Variants in PDE1C observed in about 807,000 individuals in gnomAD.
The protein encoded by PDE1C is dual specificity calcium/calmodulin-dependent 3',5'-cyclic nucleotide phosphodiesterase 1C.
PDE1C carries 62 observed loss-of-function variants against 93.1 expected under a neutral mutation model. The observed-to-expected ratio is 0.67, with a 90% CI of 0.54 to 0.82. PDE1C has a LOEUF of 0.82. Among genes scored for constraint, PDE1C ranks in the 40% least tolerant of loss-of-function variants. PDE1C has a pLI of 0.00. For missense variants in PDE1C, 742 were observed against 884.6 expected, an observed-to-expected ratio of 0.84 and a Z score of 2.04; for synonymous variants, 325 against 310.1, an observed-to-expected ratio of 1.05 and a Z score of -0.50.
the PDE1C span, among the ~76,000 whole-genome samples, chr7:31,619,871 G>C: frequency 1.3e-4 from 20 of 152,332 alleles, no homozygotes. Context: ...AGGGGTGACA[G>C]ATGGCACCTG....
chr7:32,056,712 C>T (rs1794165142), intron 1 of PDE1C, among the ~76,000 whole-genome samples: 1 of 152,100 alleles, frequency 6.6e-6, no homozygotes, highest in Non-Finnish European at 1.5e-5. Context: ...AGTAGTATTG[C>T]ATAAATAATA....
intron 16 of PDE1C, chr7:31,790,066 C>T: frequency 7.0e-7 from 1 of 1,420,930 alleles, no homozygotes; most frequent in South Asian, 1.6e-5. Context: ...GATTCATCCC[C>T]TGGAAGGAGA....
At chr7:32,265,151 T>C (rs1001083508) in intron 1 of PDE1C, among the ~76,000 whole-genome samples, 16 of 152,210 alleles carry the variant, frequency 1.1e-4, no homozygotes, top group African/African-American at 3.4e-4. Flanking sequence ...GGAATTTATT[T>C]CACTAGCACC....
chr7:32,215,900 C>T (rs1168674024), intron 1 of PDE1C, among the ~76,000 whole-genome samples: 1 of 152,236 alleles, frequency 6.6e-6, no homozygotes, highest in Non-Finnish European at 1.5e-5. Flanking sequence ...GCAAGGAAAT[C>T]TGCCCAGTGC....
intron 2 of PDE1C, among the ~76,000 whole-genome samples, chr7:32,207,417 T>C (rs1015642376): frequency 3.3e-5 from 5 of 151,990 alleles, no homozygotes; most frequent in African/African-American, 1.2e-4. Flanking sequence ...GAACTCTTCA[T>C]TCACACCACA....
intron 2 of PDE1C, among the ~76,000 whole-genome samples, chr7:32,192,414 T>C (rs1804295654): frequency 6.6e-6 from 1 of 152,196 alleles, no homozygotes; most frequent in Admixed American, 6.5e-5. Context: ...TTTACAGATG[T>C]CCAATACTGA....
chr7:31,940,785 C>T (rs1276250541), intron 2 of PDE1C, among the ~76,000 whole-genome samples: 1 of 152,098 alleles, frequency 6.6e-6, no homozygotes, highest in African/African-American at 2.4e-5. Context: ...GAAACCCAGC[C>T]ACGCTCTGTG....
chr7:32,148,435 A>T (rs1801043717), intron 3 of PDE1C, among the ~76,000 whole-genome samples: 1 of 152,172 alleles, frequency 6.6e-6, no homozygotes, highest in Non-Finnish European at 1.5e-5. Flanking sequence ...TTTGGCAGAT[A>T]AGTTTTCATC....
chr7:32,387,717 C>T (rs1784664347), intron 1 of PDE1C, among the ~76,000 whole-genome samples: 1 of 140,080 alleles, frequency 7.1e-6, no homozygotes, highest in African/African-American at 2.8e-5. Context: ...GGGCGGCTGG[C>T]CGGGCAGAGG....
chr7:32,006,473 A>C (rs934248266), intron 2 of PDE1C, among the ~76,000 whole-genome samples: 8 of 152,204 alleles, frequency 5.3e-5, no homozygotes. Context: ...GAAATAAGCC[A>C]TGGTTTGGGT....
intron 3 of PDE1C, among the ~76,000 whole-genome samples, chr7:32,092,472 C>T (rs946223885): frequency 5.3e-5 from 8 of 152,150 alleles, no homozygotes; most frequent in Non-Finnish European, 1.2e-4. Flanking sequence ...GATTGAGAGG[C>T]CAGGGCTCCT....
rs941573269 is a variant in PDE1C at position 32,053,348 on chromosome 7, G to A, written c.102-1768C>T. Among the ~76,000 whole-genome samples, 9 of 152,056 alleles carry A rather than the reference G, an allele frequency of 5.9e-5. No individual in the cohort carries two copies. The East Asian group carries it at 9.6e-4, about 16-fold the overall frequency. On this transcript the variant is annotated intron_variant, in intron 1 of 17. Transcript: ENST00000396191. ...ATGTGCACTGATCAATCACTCTCTC[G>A]CACCTGGACCCTGTCACCAATGACA...
intron 13 of PDE1C, 88 bp from the exon 14 acceptor site, chr7:31,823,336 C>T: frequency 9.6e-7 from 1 of 1,039,560 alleles, no homozygotes; most frequent in East Asian, 2.5e-5. Context: ...GAATGGTTAG[C>T]ACTCCTAAAG....
the PDE1C span, chr7:31,642,098 C>G: frequency 1.1e-6 from 1 of 916,828 alleles, no homozygotes; most frequent in Non-Finnish European, 1.7e-6. Context: ...GTGTGTCAGG[C>G]ACCTAGAGGG....
At chr7:32,063,060 G>A (rs966344644) in intron 1 of PDE1C, among the ~76,000 whole-genome samples, 4 of 152,156 alleles carry the variant, frequency 2.6e-5, no homozygotes, top group Non-Finnish European at 4.4e-5. Flanking sequence ...TACAATAAAA[G>A]CCTGAAGAAT....
chr7:31,814,932 A>G (rs1239930452), intron 15 of PDE1C, among the ~76,000 whole-genome samples: 6 of 151,894 alleles, frequency 4.0e-5, no homozygotes, highest in African/African-American at 1.5e-4. Context: ...CTATTCAGCC[A>G]CAACCTGTCA....
chr7:32,217,902 C>A (rs967341043), intron 1 of PDE1C, among the ~76,000 whole-genome samples: 1 of 152,218 alleles, frequency 6.6e-6, no homozygotes, highest in Non-Finnish European at 1.5e-5. Context: ...CTTAGCCATG[C>A]CTTTCACAAG....
chr7:31,736,584 A>C, the PDE1C span, among the ~76,000 whole-genome samples: 1 of 152,124 alleles, frequency 6.6e-6, no homozygotes, highest in South Asian at 2.1e-4. Context: ...CTGCAGGAAA[A>C]ATTGTCACAT....
intron 16 of PDE1C, among the ~76,000 whole-genome samples, chr7:31,808,762 T>C (rs1787176911): frequency 6.6e-6 from 1 of 151,992 alleles, no homozygotes; most frequent in African/African-American, 2.4e-5. Flanking sequence ...AAACTTTTTA[T>C]GATGTTTAAG....
Sources: gnomAD v4.1 joint callset for allele counts (sites outside exome capture counted in the v4.1 genomes callset) on GRCh38, gnomAD v4.1.1 for gene constraint, MANE v1.5 for transcripts, NCBI Gene and HGNC (gene_info 2026-07-23, HGNC 2026-07-21) for gene names.